SPC25: variants seen among roughly 807,000 people sequenced by gnomAD.
The protein encoded by SPC25 is SPC25 component of NDC80 kinetochore complex.
SPC25 carries 22 observed loss-of-function variants against 29.6 expected under a neutral mutation model. The ratio of observed to expected loss-of-function variants is 0.74; its 90% CI spans 0.53 to 1.06. SPC25 has a LOEUF of 1.06. Among genes scored for constraint, SPC25 ranks in the 50% least tolerant of loss-of-function variants. The probability of loss-of-function intolerance (pLI) is 0.00; values close to 1 mark genes in which losing one functional copy is unlikely to be tolerated. For synonymous variants in SPC25, 91 were observed against 90.4 expected, an observed-to-expected ratio of 1.01 and a Z score of -0.04; for missense variants, 230 against 255.8, an observed-to-expected ratio of 0.90 and a Z score of 0.69.
At chr2:168,865,070 G>A in intron 4 of SPC25, 1 of 1,291,404 alleles carries the variant, frequency 7.7e-7, no homozygotes, top group Non-Finnish European at 1.1e-6. Flanking sequence ...TTTTTCTTTT[G>A]AAATGGATGG....
intron 4 of SPC25, chr2:168,862,153 C>A: frequency 1.1e-6 from 1 of 926,468 alleles, no homozygotes; most frequent in Non-Finnish European, 1.7e-6. Flanking sequence ...ACTACCATGT[C>A]AAATCAGTTC....
intron 4 of SPC25, among the ~76,000 whole-genome samples, chr2:168,865,750 C>CTGAT (rs1158399417): frequency 2.0e-5 from 3 of 150,286 alleles, no homozygotes; most frequent in South Asian, 2.1e-4. Flanking sequence ...TCTCCTTAAG[C>CTGAT]TGATAAGCAA....
At chr2:168,872,538 T>G (rs1690013811) in intron 6 of SPC25, among the ~76,000 whole-genome samples, 1 of 152,164 alleles carries the variant, frequency 6.6e-6, no homozygotes, top group Non-Finnish European at 1.5e-5. Flanking sequence ...TTTCCAGCTC[T>G]CTTGTACAGA....
intron 4 of SPC25, among the ~76,000 whole-genome samples, chr2:168,862,820 G>A (rs1253704759): frequency 6.6e-6 from 1 of 152,172 alleles, no homozygotes; most frequent in Non-Finnish European, 1.5e-5. Context: ...ATCTGGAAAC[G>A]GAAGGGTTAG....
At chr2:168,865,648 G>A (rs1032741220) in intron 4 of SPC25, 1 of 152,164 alleles carries the variant, frequency 6.6e-6, no homozygotes, top group African/African-American at 2.4e-5. Context: ...GGAAATAAAG[G>A]GCATTCAATT....
chr2:168,886,988 G>A (rs1690277797), intron 3 of SPC25, among the ~76,000 whole-genome samples: 1 of 152,142 alleles, frequency 6.6e-6, no homozygotes, highest in Non-Finnish European at 1.5e-5. Flanking sequence ...ATCCTACAAA[G>A]AAGTTTTAAA....
intron 4 of SPC25, chr2:168,864,924 TGGA>T: frequency 6.2e-7 from 1 of 1,614,088 alleles, no homozygotes; most frequent in African/African-American, 1.3e-5. Context: ...GCCGCTTATG[TGGA>T]GGAGTTACCT....
At chr2:168,886,975 G>A (rs1690277451) in intron 3 of SPC25, among the ~76,000 whole-genome samples, 1 of 152,142 alleles carries the variant, frequency 6.6e-6, no homozygotes, top group Admixed American at 6.5e-5. Flanking sequence ...CTAATGCCTA[G>A]GGATCCTACA....
At chr2:168,877,971 T>C (rs1176333680) in intron 3 of SPC25, among the ~76,000 whole-genome samples, 1 of 151,962 alleles carries the variant, frequency 6.6e-6, no homozygotes, top group Non-Finnish European at 1.5e-5. Flanking sequence ...AGTGCTGGGA[T>C]TACCAGTGCA....
intron 3 of SPC25, among the ~76,000 whole-genome samples, chr2:168,887,060 G>A (rs1459512864): frequency 6.6e-6 from 1 of 151,866 alleles, no homozygotes; most frequent in African/African-American, 2.4e-5. Flanking sequence ...TTTCTTTTTT[G>A]CTTATGGTTA....
chr2:168,866,447 C>T (rs1689854483), downstream of SPC25, among the ~76,000 whole-genome samples: 2 of 152,236 alleles, frequency 1.3e-5, no homozygotes, highest in Admixed American at 6.5e-5. Context: ...AAACTGGATC[C>T]CTTCCTTACA....
In SPC25 at chr2:168,876,294, T is replaced by A. The variant is rs1193164664; in HGVS notation, c.347-118A>T. On this transcript the variant is annotated intron_variant, in intron 4 of 6. Transcript: ENST00000282074. The stretch of plus-strand genomic sequence containing the variant: ...AATGATGCCAAGCCTATAAATCTGC[T>A]TCCATTTATTGTTTCTATATCTACC... 3 of 734,260 alleles carry A rather than the reference T, an allele frequency of 4.1e-6. No individual in the cohort carries two copies. In the African/African-American group the frequency reaches 5.7e-5, roughly 14 times the overall value. 45.5% of individuals were successfully genotyped at this position (734,260 alleles called of 1,614,324 possible). A position where few individuals can be genotyped will look rare whatever the true frequency, so the allele number is the denominator to read the frequency against.
intron 4 of SPC25, among the ~76,000 whole-genome samples, chr2:168,862,602 CACTT>C (rs759229295): frequency 7.1e-4 from 108 of 152,344 alleles, no homozygotes; most frequent in Non-Finnish European, 1.4e-3. Flanking sequence ...GTGCTGGTCT[CACTT>C]ACTTCTCAGA....
downstream of SPC25, among the ~76,000 whole-genome samples, chr2:168,866,205 C>T (rs1263492554): frequency 6.6e-6 from 1 of 152,304 alleles, no homozygotes; most frequent in Non-Finnish European, 1.5e-5. Flanking sequence ...AGGCATCACG[C>T]TACCTGACTT....
rs1440278367 is a variant in SPC25 at position 168,871,301 on chromosome 2, A to G, written c.*130T>C. Reference sequence around the variant, plus strand: ...GCACACCAATATGGCACATGTATACATATGTAACAAACCTGCACATTGTGC... The same window carrying G: ...GCACACCAATATGGCACATGTATACGTATGTAACAAACCTGCACATTGTGC... On this transcript the variant is annotated 3_prime_UTR_variant, in exon 7 of 7. Coordinates refer to ENST00000282074, the MANE Select transcript of SPC25 (RefSeq NM_020675.4). 1.1e-5 allele frequency: 9 copies of G among 833,834 alleles called. No homozygotes were observed. The Admixed American group carries it at 2.6e-4, about 24-fold the overall frequency. 51.7% of individuals were successfully genotyped at this position (833,834 alleles called of 1,614,324 possible).
chr2:168,887,175 C>T (rs1224869766), intron 3 of SPC25, among the ~76,000 whole-genome samples: 1 of 152,036 alleles, frequency 6.6e-6, no homozygotes, highest in Non-Finnish European at 1.5e-5. Context: ...AATCCCAGCA[C>T]TTTGGGAGGC....
chr2:168,879,108 G>C (rs1393247703), intron 3 of SPC25, among the ~76,000 whole-genome samples: 1 of 152,170 alleles, frequency 6.6e-6, no homozygotes, highest in African/African-American at 2.4e-5. Flanking sequence ...GTCTTGCCTT[G>C]ATGTTGATGG....
At chr2:168,868,097 A>C (rs1401347561), downstream of SPC25, among the ~76,000 whole-genome samples, 1 of 152,234 alleles carries the variant, frequency 6.6e-6, no homozygotes, top group East Asian at 1.9e-4. Context: ...CCTGCTCCTG[A>C]ATGACTACTG....
intron 4 of SPC25, among the ~76,000 whole-genome samples, chr2:168,862,208 A>G (rs1488282684): frequency 6.6e-6 from 1 of 152,266 alleles, no homozygotes; most frequent in Non-Finnish European, 1.5e-5. Context: ...AGCTCGCATA[A>G]TGATAATAGC....
Sources: gnomAD v4.1 joint callset for allele counts (sites outside exome capture counted in the v4.1 genomes callset) on GRCh38, gnomAD v4.1.1 for gene constraint, MANE v1.5 for transcripts, NCBI Gene and HGNC (gene_info 2026-07-23, HGNC 2026-07-21) for gene names.